NR5A1: variants seen among roughly 807,000 people sequenced by gnomAD.
NR5A1 encodes the protein steroidogenic factor 1.
A neutral mutation model predicts 42.7 loss-of-function variants in NR5A1; 6 were observed. That is an observed-to-expected ratio of 0.14 (90% CI 0.08 to 0.28). The LOEUF is 0.28. Ranked by LOEUF, NR5A1 falls within the 10% of genes least tolerant of loss-of-function variation. NR5A1 has a pLI of 1.00. For synonymous variants in NR5A1, 274 were observed against 277.5 expected (o/e 0.99, Z 0.12); for missense variants, 442 against 626.4 (o/e 0.71, Z 3.14).
rs1388686107 is a variant in NR5A1, at chr9:124,500,433, G to T, written c.527C>A (p.Ala176Asp). ...GAGGTAGCCAGCCAGTGGCCCGTGG[G>T]CACCGGGCACGGCCATGGGCAGTGC... ...APALPMAVPG[A>D]HGPLAGYLYP... Residue 176 changes from alanine to aspartate, a missense_variant, in exon 4 of 7, where the codon GCC becomes GAC. Transcript: ENST00000373588. The surrounding 1 kb of genome is among the most constrained non-coding windows in gnomAD (Gnocchi z 6.9). 4.4e-6 allele frequency: 7 copies of T among 1,574,636 alleles called. No individual in the cohort carries two copies. The highest frequency in any genetic ancestry group is 6.0e-6 in the Non-Finnish European group (7 of 1,161,768).
At chr9:124,492,722 T>A (rs1832334173) in intron 5 of NR5A1, among the ~76,000 whole-genome samples, 1 of 152,008 alleles carries the variant, frequency 6.6e-6, no homozygotes. Context: ...AACTCCAGTG[T>A]GTTATTTCCA....
At position 124,491,151 on chromosome 9, in the gene NR5A1, C is replaced by A; in HGVS notation, c.1068G>T (p.Leu356=). 1 of 1,609,146 alleles carries A rather than the reference C, an allele frequency of 6.2e-7. No homozygotes were observed. The highest frequency in any genetic ancestry group is 8.5e-7 in the Non-Finnish European group (1 of 1,178,552). ...SLVLRAQELV[L]QLLALQLDRQ... ...GGTCCAGCTGCAGCGCAAGCAGCTGCAGCACCAGCTCCTGCGCCCGCAACA... is the reference window on the plus strand; with the variant it reads ...GGTCCAGCTGCAGCGCAAGCAGCTGAAGCACCAGCTCCTGCGCCCGCAACA... The change falls in exon 6 of 7, where the codon CTG becomes CTT. Residue 356 remains leucine, a synonymous_variant. Transcript: ENST00000373588.
intron 6 of NR5A1, among the ~76,000 whole-genome samples, chr9:124,490,247 C>G (rs1268942613): frequency 6.6e-6 from 1 of 152,258 alleles, no homozygotes; most frequent in East Asian, 1.9e-4. Context: ...TTCCCTAAGC[C>G]ACACCCATCT....
intron 1 of NR5A1, among the ~76,000 whole-genome samples, chr9:124,505,858 C>A (rs1387183307): frequency 2.0e-5 from 3 of 152,188 alleles, no homozygotes; most frequent in Non-Finnish European, 4.4e-5. Flanking sequence ...TTGCTCTGGG[C>A]TAGGGACCAT....
At chr9:124,486,377 G>C (rs1478764296) in intron 6 of NR5A1, among the ~76,000 whole-genome samples, 1 of 152,198 alleles carries the variant, frequency 6.6e-6, no homozygotes, top group African/African-American at 2.4e-5. Context: ...TGCATCCCCA[G>C]GGCTCAGGGA....
chr9:124,491,509 C>A (rs918687771), intron 5 of NR5A1, among the ~76,000 whole-genome samples: 3 of 152,198 alleles, frequency 2.0e-5, no homozygotes, highest in African/African-American at 7.2e-5. Context: ...CACACACAAA[C>A]CCCAGCACCA....
chr9:124,491,260 T>A (rs767118745), intron 5 of NR5A1, 32 bp from the exon 6 acceptor site: 1 of 1,560,842 alleles, frequency 6.4e-7, no homozygotes, highest in Admixed American at 1.7e-5. Context: ...CGGGGGACAG[T>A]CAGAGGACGT....
chr9:124,493,290 C>G, intron 4 of NR5A1, 141 bp from the exon 5 acceptor site: 1 of 1,157,852 alleles, frequency 8.6e-7, no homozygotes. Context: ...ACCCAGATGT[C>G]TAGGCTATCA....
chr9:124,490,302 T>C (rs1832287335), intron 6 of NR5A1, among the ~76,000 whole-genome samples: 1 of 152,196 alleles, frequency 6.6e-6, no homozygotes, highest in South Asian at 2.1e-4. Flanking sequence ...CTTTTCACGA[T>C]TGGCAAGGGA....
At chr9:124,485,073 C>A (rs1023418468) in intron 6 of NR5A1, among the ~76,000 whole-genome samples, 1 of 152,192 alleles carries the variant, frequency 6.6e-6, no homozygotes, top group Non-Finnish European at 1.5e-5. Flanking sequence ...TTCCTCCTCC[C>A]TGGAGGGGGA....
rs766248393 is a variant in NR5A1, at chr9:124,500,206, T to A, written c.754A>T (p.Thr252Ser). ...ARILGCLQEP[T>S]KSRPDQPAAF... Reference sequence around the variant, plus strand: ...GCCGGCTGGTCGGGGCGGCTTTTGGTGGGCTCCTGCAGGCAGCCCAAGATG... The same window carrying A: ...GCCGGCTGGTCGGGGCGGCTTTTGGAGGGCTCCTGCAGGCAGCCCAAGATG... Residue 252 changes from threonine to serine, a missense_variant, in exon 4 of 7, where the codon ACC becomes TCC. Thr to Ser is a moderately conservative substitution (Grantham distance 58). This residue lies in a region of NR5A1 where 208 missense variants were observed against 203.8 expected (regional missense o/e 1.02). Transcript: ENST00000373588. The surrounding 1 kb of genome is among the most constrained non-coding windows in gnomAD (Gnocchi z 6.9). The A allele has an allele frequency of 4.3e-6, 7 of 1,609,362 alleles. No individual in the cohort carries two copies. The highest frequency in any genetic ancestry group is 3.3e-5 in the Admixed American group (2 of 59,744).
intron 6 of NR5A1, among the ~76,000 whole-genome samples, chr9:124,490,502 C>T (rs1255246274): frequency 1.3e-5 from 2 of 152,148 alleles, no homozygotes; most frequent in African/African-American, 2.4e-5. Context: ...CTCTGCCTCT[C>T]CTCTGCTTTC....
In NR5A1 at chr9:124,481,768, G is replaced by T. The variant is rs957148895; in HGVS notation, c.*990C>A. 6.6e-6 allele frequency: 1 copy of T among 152,148 alleles called. No homozygotes were observed. Among genetic ancestry groups the T allele is most frequent in the Non-Finnish European group, 1.5e-5 (1 of 68,036 alleles). The allele number at this position is 152,148 out of a possible 1,614,324, so 9.4% of individuals were successfully genotyped here. ...TAGTGGGTGGAGGGCGGGCAACAGC[G>T]CTTCTCTGGATTGGGGCTGGGGCTC... On this transcript the variant is annotated 3_prime_UTR_variant, in exon 7 of 7. Transcript: ENST00000373588.
chr9:124,500,052 C>T lies in NR5A1; in HGVS notation c.870+38G>A. The T allele has an allele frequency of 6.2e-7, 1 of 1,612,986 alleles. No homozygotes were observed. Among genetic ancestry groups the T allele is most frequent in the South Asian group, 1.1e-5 (1 of 91,052 alleles). Reference sequence around the variant, plus strand: ...CTAAGGCTTGGGCAGCCGGGAGGACCATGATGCAGGGCCAGCCGGGCGGGA... The same window carrying T: ...CTAAGGCTTGGGCAGCCGGGAGGACTATGATGCAGGGCCAGCCGGGCGGGA... On this transcript the variant is annotated intron_variant, in intron 4 of 6. Transcript: ENST00000373588. The surrounding 1 kb of genome is among the most constrained non-coding windows in gnomAD (Gnocchi z 6.9).
chr9:124,491,029 A>ACCC, intron 6 of NR5A1, 52 bp downstream of exon 6: 3 of 349,874 alleles, frequency 8.6e-6, no homozygotes, highest in Non-Finnish European at 1.5e-5. Flanking sequence ...CCACCCTCCC[A>ACCC]CCCACCCGCC....
chr9:124,483,887 T>C (rs1383143096), intron 6 of NR5A1, among the ~76,000 whole-genome samples: 1 of 152,174 alleles, frequency 6.6e-6, no homozygotes, highest in African/African-American at 2.4e-5. Flanking sequence ...GGAAGGACTC[T>C]CATGGGGCCA....
At chr9:124,491,032 C>CCCCCCCCCCCCAGGGGGGTG in intron 6 of NR5A1, 49 bp downstream of exon 6, 1 of 1,258,250 alleles carries the variant, frequency 7.9e-7, no homozygotes, top group Non-Finnish European at 1.1e-6. Context: ...CCCTCCCACC[C>CCCCCCCCCCCCAGGGGGGTG]ACCCGCCTCT....
At position 124,503,016 on chromosome 9, in the gene NR5A1, A is replaced by AC; in HGVS notation, c.244+62dup. ...GTACTATCCCCTCAGCCCCTCTCCC[A>AC]CCCCCACCCCCTACCCCCTCAGGCT... On this transcript the variant is annotated intron_variant, in intron 3 of 6. Coordinates refer to ENST00000373588, the MANE Select transcript of NR5A1 (RefSeq NM_004959.5). The surrounding 1 kb of genome is among the most constrained non-coding windows in gnomAD (Gnocchi z 9.6). The AC allele has an allele frequency of 6.6e-7, 1 of 1,517,796 alleles. No individual in the cohort carries two copies. The highest frequency in any genetic ancestry group is 8.8e-7 in the Non-Finnish European group (1 of 1,136,958). 94.0% of individuals were successfully genotyped at this position (1,517,796 alleles called of 1,614,324 possible).
intron 5 of NR5A1, among the ~76,000 whole-genome samples, 194 bp from the exon 6 acceptor site, chr9:124,491,422 C>G (rs1240803505): frequency 1.3e-5 from 2 of 152,128 alleles, no homozygotes; most frequent in Non-Finnish European, 2.9e-5. Flanking sequence ...GCTGCCGGGC[C>G]CACCCTTCCG....
Sources: gnomAD v4.1 joint callset for allele counts (sites outside exome capture counted in the v4.1 genomes callset) on GRCh38, gnomAD v4.1.1 for gene constraint, gnomAD v4.1.1 regional missense constraint, Gnocchi (gnomAD v3.1) non-coding constraint, MANE v1.5 for transcripts, NCBI Gene and HGNC (gene_info 2026-07-23, HGNC 2026-07-21) for gene names.